GCNT1: variants seen among roughly 807,000 people sequenced by gnomAD.
The protein encoded by GCNT1 is beta-1,3-galactosyl-O-glycosyl-glycoprotein beta-1,6-N-acetylglucosaminyltransferase.
A neutral mutation model predicts 26.2 loss-of-function variants in GCNT1; 16 were observed. The ratio of observed to expected loss-of-function variants is 0.61; its 90% confidence interval spans 0.41 to 0.93. GCNT1 has a LOEUF of 0.93. Among genes scored for constraint, GCNT1 ranks in the 40% least tolerant of loss-of-function variants. The pLI, the probability that GCNT1 is intolerant of heterozygous loss-of-function variation, is 0.00. For synonymous variants in GCNT1, 183 were observed against 190.8 expected (o/e 0.96, Z 0.34); for missense variants, 477 against 526.7 (o/e 0.91, Z 0.92).
At chr9:76,499,317 G>A (rs1451777840) in intron 2 of GCNT1, among the ~76,000 whole-genome samples, 1 of 151,852 alleles carries the variant, frequency 6.6e-6, no homozygotes, top group Non-Finnish European at 1.5e-5. Context: ...TAGTAGAGAT[G>A]GGGTTTCACA....
chr9:76,482,960 A>G (rs1824460814), intron 2 of GCNT1, among the ~76,000 whole-genome samples: 1 of 151,784 alleles, frequency 6.6e-6, no homozygotes, highest in Admixed American at 6.6e-5. Context: ...CCAAATTAAC[A>G]GTATATTATC....
In GCNT1 at chr9:76,505,037, TAAA is replaced by T; in HGVS notation, c.*1372_*1374del. The T allele has an allele frequency of 2.4e-6, 1 of 412,784 alleles. No homozygotes were observed. The highest frequency in any genetic ancestry group is 4.4e-6 in the Non-Finnish European group (1 of 226,086). 25.6% of individuals were successfully genotyped at this position (412,784 alleles called of 1,614,324 possible). The stretch of plus-strand genomic sequence containing the variant: ...CACATCTCAAAGTACATTCAAATCT[TAAA>T]AAGAAATTCTCGTACTTTTGCCATG... On this transcript the variant is annotated 3_prime_UTR_variant, in exon 4 of 4. Transcript: ENST00000376730.
At chr9:76,402,428 C>A in the GCNT1 span, among the ~76,000 whole-genome samples, 1 of 152,114 alleles carries the variant, frequency 6.6e-6, no homozygotes, top group Non-Finnish European at 1.5e-5. Context: ...ATATTTAGAA[C>A]CTTTTGAAGC....
chr9:76,496,040 C>A (rs561202560), intron 2 of GCNT1, among the ~76,000 whole-genome samples: 2 of 152,136 alleles, frequency 1.3e-5, no homozygotes, highest in African/African-American at 4.8e-5. Context: ...GTAAAAAAAA[C>A]TCCTGCCCTG....
At chr9:76,436,995 T>C (rs1327606178), upstream of GCNT1, among the ~76,000 whole-genome samples, 2 of 152,026 alleles carry the variant, frequency 1.3e-5, no homozygotes, top group African/African-American at 2.4e-5. Flanking sequence ...CATTAGGAGA[T>C]ATACCTAATG....
Position 76,435,023 on chromosome 9 carries a change from T to C in GCNT1, n.38+15136T>C, listed in dbSNP as rs372987411. 4.6e-5 allele frequency among the ~76,000 whole-genome samples: 7 copies of C among 152,324 alleles called. No homozygotes were observed. In the East Asian group the frequency reaches 5.8e-4, roughly 13 times the overall value. On this transcript the variant is annotated intron_variant and non_coding_transcript_variant, in intron 1 of 3. Coordinates refer to the GCNT1 transcript ENST00000488136. ...TTAAGATGTTTATCAAGACAATACG[T>C]GCACAGCTGAACATAGACCGTCATC...
the GCNT1 span, among the ~76,000 whole-genome samples, chr9:76,397,064 C>G: frequency 1.3e-5 from 2 of 152,196 alleles, no homozygotes; most frequent in East Asian, 3.9e-4. Flanking sequence ...GGTGGATCAC[C>G]TGAGGCCAGG....
chr9:76,437,950 G>T (rs1402218688), upstream of GCNT1, among the ~76,000 whole-genome samples: 1 of 152,346 alleles, frequency 6.6e-6, no homozygotes, highest in East Asian at 1.9e-4. Context: ...ATTTTCCTTG[G>T]AAAGTGGTAC....
At chr9:76,475,562 T>C (rs552027496) in intron 2 of GCNT1, among the ~76,000 whole-genome samples, 4 of 152,226 alleles carry the variant, frequency 2.6e-5, no homozygotes, top group South Asian at 4.1e-4. Flanking sequence ...TTCATGCTAA[T>C]TGAATAGACC....
the GCNT1 span, chr9:76,394,162 G>A: frequency 1.2e-6 from 2 of 1,605,786 alleles, no homozygotes; most frequent in Non-Finnish European, 1.7e-6. Context: ...AAGTAAGGCA[G>A]GTGCCTCATA....
chr9:76,430,375 T>C (rs1017466777), intron 1 of GCNT1, among the ~76,000 whole-genome samples: 10 of 152,084 alleles, frequency 6.6e-5, no homozygotes, highest in Admixed American at 3.9e-4. Flanking sequence ...TTCACATAAT[T>C]ATTGACAGAA....
At chr9:76,400,566 C>G in the GCNT1 span, among the ~76,000 whole-genome samples, 1 of 152,230 alleles carries the variant, frequency 6.6e-6, no homozygotes, top group Non-Finnish European at 1.5e-5. Flanking sequence ...TTCACAGATT[C>G]TCCCTATCAC....
chr9:76,415,236 T>C (rs542282481), upstream of GCNT1, among the ~76,000 whole-genome samples: 2 of 152,254 alleles, frequency 1.3e-5, no homozygotes, highest in East Asian at 3.9e-4. Context: ...TTTGTATTTC[T>C]TGTGGAGACA....
At chr9:76,438,968 C>T (rs986915293), upstream of GCNT1, among the ~76,000 whole-genome samples, 1 of 152,160 alleles carries the variant, frequency 6.6e-6, no homozygotes, top group Non-Finnish European at 1.5e-5. Flanking sequence ...TCTAAAGAAT[C>T]TTAACTTCCC....
At chr9:76,466,302 ATTTTGTTTG>A (rs1434588241) in intron 2 of GCNT1, among the ~76,000 whole-genome samples, 1 of 151,420 alleles carries the variant, frequency 6.6e-6, no homozygotes, top group Non-Finnish European at 1.5e-5. Flanking sequence ...TGCTACTGGG[ATTTTGTTTG>A]TTTTGTTTTT....
chr9:76,446,654 C>T (rs1399708006), intron 1 of GCNT1, among the ~76,000 whole-genome samples: 2 of 152,230 alleles, frequency 1.3e-5, no homozygotes, highest in South Asian at 4.1e-4. Flanking sequence ...CTGGAAACAA[C>T]TGGAATGGCC....
the GCNT1 span, chr9:76,393,995 G>C: frequency 2.5e-6 from 3 of 1,197,994 alleles, no homozygotes; most frequent in South Asian, 2.8e-5. Context: ...CCCGCGGTCC[G>C]GAGGCCCCAC....
the GCNT1 span, chr9:76,398,628 G>A: frequency 4.9e-5 from 42 of 859,168 alleles, no homozygotes; most frequent in African/African-American, 1.5e-4. Context: ...TTTGCTTTCC[G>A]CGCTACCTAC....
At chr9:76,399,765 A>G in the GCNT1 span, among the ~76,000 whole-genome samples, 7 of 151,604 alleles carry the variant, frequency 4.6e-5, no homozygotes, top group Non-Finnish European at 1.0e-4. Context: ...TTTTATTTTT[A>G]TTTTGTTTCA....
Sources: gnomAD v4.1 joint callset for allele counts (sites outside exome capture counted in the v4.1 genomes callset) on GRCh38, gnomAD v4.1.1 for gene constraint, MANE v1.5 for transcripts, NCBI Gene and HGNC (gene_info 2026-07-23, HGNC 2026-07-21) for gene names.